STARD8: variants seen among roughly 807,000 people sequenced by gnomAD.
The protein encoded by STARD8 is stAR-related lipid transfer protein 8.
Under a neutral mutation model 69.4 loss-of-function variants are expected in STARD8, and 25 were observed. The observed-to-expected ratio is 0.36, with a 90% CI of 0.26 to 0.50. The LOEUF (loss-of-function observed/expected upper bound fraction) is 0.50, where lower values mean the gene tolerates loss of function less well. Ranked by LOEUF, STARD8 falls within the 20% of genes least tolerant of loss-of-function variation. The pLI, the probability that STARD8 is intolerant of heterozygous loss-of-function variation, is 0.96. For synonymous variants in STARD8, 389 were observed against 374.6 expected (o/e 1.04, Z -0.45); for missense variants, 921 against 932.5 (o/e 0.99, Z 0.16).
intron 1 of STARD8, chrX:68,656,566 T>C (rs1043963393): frequency 8.9e-6 from 1 of 112,224 alleles, no homozygotes; most frequent in African/African-American, 3.2e-5. Flanking sequence ...CATATGTTTA[T>C]TGTGGCACTA....
intron 2 of STARD8, among the ~76,000 whole-genome samples, chrX:68,696,289 G>A (rs950314232): frequency 8.9e-5 from 10 of 112,035 alleles, no homozygotes; most frequent in African/African-American, 2.9e-4. Context: ...ACTGGGTTGG[G>A]CACACAGTTG....
At chrX:68,689,809 C>T (rs1451078257) in intron 2 of STARD8, among the ~76,000 whole-genome samples, 1 of 110,772 alleles carries the variant, frequency 9.0e-6, no homozygotes, top group East Asian at 2.9e-4. Context: ...GGGGGTGCTC[C>T]TTCCAGGATG....
At chrX:68,653,591 C>T (rs772815438) in intron 1 of STARD8, among the ~76,000 whole-genome samples, 1 of 17,561 alleles carries the variant, frequency 5.7e-5, no homozygotes, top group African/African-American at 2.0e-4. Flanking sequence ...CACACCACAC[C>T]ACACAAGCAC....
chrX:68,674,241 C>T (rs979479692), intron 2 of STARD8, among the ~76,000 whole-genome samples: 9 of 103,446 alleles, frequency 8.7e-5, no homozygotes, highest in South Asian at 9.1e-4. Context: ...TGCAGTGAGC[C>T]GAGATCGCAC....
intron 2 of STARD8, among the ~76,000 whole-genome samples, chrX:68,708,758 G>C (rs2080027738): frequency 8.9e-6 from 1 of 112,619 alleles, no homozygotes; most frequent in African/African-American, 3.2e-5. Context: ...ACTGCCTGCA[G>C]AATATAGCCT....
intron 2 of STARD8, among the ~76,000 whole-genome samples, chrX:68,676,196 C>G (rs1266265193): frequency 8.9e-6 from 1 of 111,957 alleles, no homozygotes; most frequent in South Asian, 3.7e-4. Context: ...GGCTGGGGCC[C>G]TCTTCTGTTT....
At chrX:68,711,009 C>G (rs1273198324) in intron 2 of STARD8, among the ~76,000 whole-genome samples, 1 of 111,889 alleles carries the variant, frequency 8.9e-6, no homozygotes, top group African/African-American at 3.3e-5. Flanking sequence ...CTGGGCAGCT[C>G]CCTTTGGACT....
In STARD8 at chrX:68,722,108, G is replaced by A; in HGVS notation, c.2521G>A (p.Ala841Thr). 1 of 1,208,224 alleles carries A rather than the reference G, an allele frequency of 8.3e-7. No homozygotes were observed. Among genetic ancestry groups the A allele is most frequent in the Non-Finnish European group, 1.1e-6 (1 of 892,938 alleles). ...PGPRDLSDNMAATQGLSHMIS... is the reference protein window; with the variant it reads ...PGPRDLSDNMTATQGLSHMIS... The stretch of plus-strand genomic sequence containing the variant: ...CCCTAGGGACCTGAGTGACAACATG[G>A]CAGCCACCCAGGGCCTGTCGCACAT... The change falls in exon 11 of 15, where the codon GCA becomes ACA. Residue 841 changes from alanine to threonine, a missense_variant. Physicochemically the swap from Ala to Thr is moderately conservative, Grantham distance 58 (BLOSUM62 0). Coordinates refer to ENST00000374599, the MANE Select transcript of STARD8 (RefSeq NM_001142503.3).
At chrX:68,652,094 G>C (rs1033458220) in intron 1 of STARD8, among the ~76,000 whole-genome samples, 1 of 108,116 alleles carries the variant, frequency 9.2e-6, no homozygotes, top group Non-Finnish European at 1.9e-5. Context: ...CTAACCCTAA[G>C]TGATCAGCCC....
chrX:68,721,709 C>T lies in STARD8; in HGVS notation c.2422C>T (p.His808Tyr). 5 of 1,212,183 alleles carry T rather than the reference C, an allele frequency of 4.1e-6. No homozygotes were observed. Among genetic ancestry groups the T allele is most frequent in the Non-Finnish European group, 5.6e-6 (5 of 895,553 alleles). Residue 808 changes from histidine (H) to tyrosine (Y), a missense_variant, in exon 10 of 15, where the codon CAC (histidine) becomes TAC (tyrosine). Physicochemically the swap from His to Tyr is moderately conservative, Grantham distance 83. Transcript: ENST00000374599. ...AGTGTGCCTGGCGCCCTCCATCTTCCACCTCAATGTCTCTAAGAAGGATAG... is the reference window on the plus strand; with the variant it reads ...AGTGTGCCTGGCGCCCTCCATCTTCTACCTCAATGTCTCTAAGAAGGATAG... ...LAVCLAPSIF[H>Y]LNVSKKDSPS...
rs766383354 is a variant in STARD8 at position 68,724,033 on chromosome X, C to G, written c.3106C>G (p.Arg1036Gly). The change falls in exon 14 of 15, where the codon CGA (arginine) becomes GGA (glycine). Residue 1036 changes from arginine (R) to glycine (G), a missense_variant. Coordinates refer to ENST00000374599, the MANE Select transcript of STARD8 (RefSeq NM_001142503.3). ...ACAACCTGTGCCAGAGTCGGGTGTG[C>G]GAGCCCTCATGCTCACATCCCAGTA... ...PEQPVPESGV[R>G]ALMLTSQYLM... is the part of the protein sequence containing the mutation. 1.7e-6 allele frequency: 2 copies of G among 1,210,511 alleles called. No homozygotes were observed. The highest frequency in any genetic ancestry group is 2.2e-6 in the Non-Finnish European group (2 of 895,276).
rs753291128 is a variant in STARD8, at chrX:68,652,580, C to A, written c.45+4653C>A. Among the ~76,000 whole-genome samples, 15 of 111,021 alleles carry A rather than the reference C, an allele frequency of 1.4e-4. No homozygotes were observed. In the East Asian group the frequency reaches 4.3e-3, roughly 32 times the overall value. ...TCTTCCCCTGGAGGCCAGTCAGGGC[C>A]CGGAAGGCATCCATGGCCCCTTGGT... On this transcript the variant is annotated intron_variant, in intron 1 of 14. Transcript: ENST00000374599.
intron 2 of STARD8, among the ~76,000 whole-genome samples, chrX:68,711,159 C>T (rs976399123): frequency 1.8e-5 from 2 of 110,597 alleles, no homozygotes; most frequent in Non-Finnish European, 3.8e-5. Flanking sequence ...GAGGTCCTGG[C>T]GATTCCTAGA....
intron 2 of STARD8, among the ~76,000 whole-genome samples, chrX:68,689,784 G>A (rs1022032243): frequency 3.1e-4 from 35 of 111,162 alleles, no homozygotes; most frequent in African/African-American, 1.0e-3. Context: ...TAGTCCCCTA[G>A]GCTGTGGGCT....
chrX:68,690,232 T>C (rs1010887394), intron 2 of STARD8, among the ~76,000 whole-genome samples: 3 of 110,820 alleles, frequency 2.7e-5, no homozygotes, highest in African/African-American at 9.9e-5. Context: ...TAATTCATTT[T>C]CCCCTCACTG....
intron 2 of STARD8, among the ~76,000 whole-genome samples, chrX:68,688,391 C>T (rs1386031466): frequency 9.0e-6 from 1 of 110,964 alleles, no homozygotes; most frequent in East Asian, 2.8e-4. Flanking sequence ...CTGGGCCAGG[C>T]TGGGGGCAGG....
intron 1 of STARD8, among the ~76,000 whole-genome samples, chrX:68,649,427 T>C (rs1252665896): frequency 9.1e-6 from 1 of 109,785 alleles, no homozygotes; most frequent in African/African-American, 3.3e-5. Flanking sequence ...AATCTGTGGA[T>C]TCATGGTCCT....
intron 2 of STARD8, among the ~76,000 whole-genome samples, chrX:68,711,250 G>A (rs1242876627): frequency 9.9e-6 from 1 of 101,520 alleles, no homozygotes; most frequent in Non-Finnish European, 1.9e-5. Flanking sequence ...ACACACACAC[G>A]GAGAGAAAGA....
chrX:68,660,719 G>A (rs761466807), intron 1 of STARD8, among the ~76,000 whole-genome samples: 164 of 112,635 alleles, frequency 1.5e-3, no homozygotes, highest in Non-Finnish European at 2.2e-3. Flanking sequence ...AGTTTGCCAA[G>A]TGCATAGAAC....
Sources: allele counts gnomAD v4.1 joint callset (sites outside exome capture counted in the v4.1 genomes callset), GRCh38; gene constraint gnomAD v4.1.1; transcripts MANE v1.5; gene names NCBI Gene and HGNC (gene_info 2026-07-23, HGNC 2026-07-21).